Variants in AOAH observed in about 807,000 individuals in gnomAD.
The protein encoded by AOAH is acyloxyacyl hydrolase (neutrophil).
AOAH carries 64 observed loss-of-function variants against 92.2 expected under a neutral mutation model. The ratio of observed to expected loss-of-function variants is 0.69; its 90% CI spans 0.57 to 0.86. The LOEUF is 0.86. Among genes scored for constraint, AOAH ranks in the 40% least tolerant of loss-of-function variants. The pLI is 0.00. For synonymous variants in AOAH, 263 were observed against 254.5 expected, an observed-to-expected ratio of 1.03 and a Z score of -0.32; for missense variants, 656 against 694.6, an observed-to-expected ratio of 0.94 and a Z score of 0.62.
At chr7:36,562,408 T>A (rs2116487258) in intron 13 of AOAH, among the ~76,000 whole-genome samples, 1 of 152,284 alleles carries the variant, frequency 6.6e-6, no homozygotes, top group African/African-American at 2.4e-5. Flanking sequence ...ACTTTACCCT[T>A]AAGAAGTCTA....
intron 16 of AOAH, among the ~76,000 whole-genome samples, chr7:36,533,706 T>C (rs993518343): frequency 1.8e-4 from 28 of 152,140 alleles, no homozygotes; most frequent in Non-Finnish European, 2.9e-5. Flanking sequence ...TGTGTTTGTG[T>C]GTGTGTACTT....
rs1291010641 is a variant in AOAH, at chr7:36,640,161, C to A, written c.391-2251G>T. On this transcript the variant is annotated intron_variant, in intron 4 of 20. Transcript: ENST00000617537. ...CCGGGGCTGCAGGGAAATGCACCAG[C>A]TTTTGCCAAGGAGGGGGAGTCGAAG... Among the ~76,000 whole-genome samples, 3 of 151,886 alleles carry A rather than the reference C, an allele frequency of 2.0e-5. No homozygotes were observed. In the East Asian group the frequency reaches 5.9e-4, roughly 30 times the overall value.
Position 36,682,104 on chromosome 7 carries a change from C to T in AOAH, c.223+4595G>A, listed in dbSNP as rs1584106225. 3.3e-5 allele frequency among the ~76,000 whole-genome samples: 5 copies of T among 152,302 alleles called. No individual in the cohort carries two copies. In the South Asian group the frequency reaches 1.0e-3, roughly 32 times the overall value. The stretch of plus-strand genomic sequence containing the variant: ...TGGACGGGGAGGGGTTTTGCCCAAT[C>T]AATAGCTGGTGAATGCAAAGAGTTC... On this transcript the variant is annotated intron_variant, in intron 2 of 20. Transcript: ENST00000617537.
intron 15 of AOAH, among the ~76,000 whole-genome samples, chr7:36,544,312 C>T (rs899680190): frequency 2.0e-5 from 3 of 152,048 alleles, no homozygotes; most frequent in African/African-American, 7.2e-5. Context: ...TTGGGGGAGA[C>T]TTTGTGTTAG....
chr7:36,657,956 T>A (rs914079756), intron 4 of AOAH, among the ~76,000 whole-genome samples: 5 of 152,070 alleles, frequency 3.3e-5, no homozygotes, highest in African/African-American at 1.2e-4. Flanking sequence ...GTCACTTGCA[T>A]TTCTACACAG....
intron 2 of AOAH, among the ~76,000 whole-genome samples, chr7:36,684,823 C>A (rs986133027): frequency 7.4e-6 from 1 of 134,836 alleles, no homozygotes; most frequent in African/African-American, 2.8e-5. Context: ...CCTTGGGAGG[C>A]TGAAGCAGGA....
rs116799617 is a variant in AOAH, at chr7:36,618,625, C to G, written c.703-280G>C. On this transcript the variant is annotated intron_variant, in intron 9 of 20. Coordinates refer to ENST00000617537, the MANE Select transcript of AOAH (RefSeq NM_001637.4). ...AGAGGTGCCTGGACCAGGGGTCTCA[C>G]CCCTCAGAGCATGGAGGGTCCACTG... Among the ~76,000 whole-genome samples the G allele has an allele frequency of 6.5e-3, 996 of 152,278 alleles. 10 individuals carry two copies. Among genetic ancestry groups the G allele is most frequent in the African/African-American group, 0.022 (931 of 41,550 alleles).
At chr7:36,535,022 GTC>G (rs1471162047) in intron 16 of AOAH, among the ~76,000 whole-genome samples, 12 of 13,368 alleles carry the variant, frequency 9.0e-4, no homozygotes, top group Admixed American at 2.3e-3. Context: ...GTGTGTCTGT[GTC>G]TGTGTGTGTG....
intron 16 of AOAH, 135 bp from the exon 17 acceptor site, chr7:36,532,479 G>C (rs1784755855): frequency 1.2e-6 from 1 of 807,284 alleles, no homozygotes; most frequent in Non-Finnish European, 2.1e-6. Flanking sequence ...ATGCAGCATT[G>C]CTCTTGAAGA....
chr7:36,650,136 C>T (rs10951489), intron 4 of AOAH, among the ~76,000 whole-genome samples: 3 of 14,304 alleles, frequency 2.1e-4, no homozygotes, highest in African/African-American at 1.9e-3. Flanking sequence ...GTCTTGGAAG[C>T]GGCCCACCAC....
intron 16 of AOAH, among the ~76,000 whole-genome samples, chr7:36,540,094 A>G (rs1306764531): frequency 6.6e-6 from 1 of 152,148 alleles, no homozygotes; most frequent in Non-Finnish European, 1.5e-5. Context: ...ATGTGTCCCA[A>G]TTCTTCATGA....
chr7:36,602,025 C>T (rs904318571), intron 11 of AOAH, among the ~76,000 whole-genome samples: 6 of 152,320 alleles, frequency 3.9e-5, no homozygotes, highest in East Asian at 3.9e-4. Context: ...GCACCTGGTA[C>T]GATGCTTATT....
chr7:36,524,175 G>T (rs1037823888), intron 19 of AOAH, among the ~76,000 whole-genome samples: 13 of 151,920 alleles, frequency 8.6e-5, no homozygotes, highest in African/African-American at 3.1e-4. Flanking sequence ...ACCTTATGTT[G>T]TACAGATGCT....
At position 36,618,340 on chromosome 7, in the gene AOAH, G is replaced by T. The variant is rs754108211; in HGVS notation, c.708C>A (p.Val236=). The T allele has an allele frequency of 2.5e-6, 4 of 1,613,794 alleles. No individual in the cohort carries two copies. Among genetic ancestry groups the T allele is most frequent in the African/African-American group, 2.7e-5 (2 of 74,996 alleles). ...QDSNCNGIWG[V]DPKDGVPYEK... ...CATATGGAACTCCATCTTTTGGATC[G>T]ACACCCTTTAAAAAAGAAACGATGT... is the stretch of plus-strand genomic sequence containing the variant. The change falls in exon 10 of 21, where the codon GTC becomes GTA. Residue 236 remains valine (V), a synonymous_variant. Coordinates refer to ENST00000617537, the MANE Select transcript of AOAH (RefSeq NM_001637.4).
At chr7:36,559,805 TC>T (rs1787122908) in intron 13 of AOAH, among the ~76,000 whole-genome samples, 1 of 152,228 alleles carries the variant, frequency 6.6e-6, no homozygotes, top group African/African-American at 2.4e-5. Context: ...ATAATTTTTT[TC>T]CCAAGACCAA....
At chr7:36,670,560 G>A (rs1025750827) in intron 3 of AOAH, among the ~76,000 whole-genome samples, 2 of 152,052 alleles carry the variant, frequency 1.3e-5, no homozygotes, top group Non-Finnish European at 2.9e-5. Flanking sequence ...CTGCAACCTC[G>A]GTCTCCAGGG....
At chr7:36,537,654 G>A (rs943654751) in intron 16 of AOAH, among the ~76,000 whole-genome samples, 2 of 152,030 alleles carry the variant, frequency 1.3e-5, no homozygotes, top group Admixed American at 6.6e-5. Context: ...AAGTAGCTAC[G>A]ATTACAGGCA....
chr7:36,637,772 C>T, intron 5 of AOAH, 79 bp downstream of exon 5: 1 of 1,353,256 alleles, frequency 7.4e-7, no homozygotes, highest in Non-Finnish European at 1.1e-6. Flanking sequence ...TAGTCCTTGC[C>T]TTTGGGATGT....
intron 4 of AOAH, among the ~76,000 whole-genome samples, chr7:36,640,494 G>A (rs1793830151): frequency 6.6e-6 from 1 of 152,188 alleles, no homozygotes; most frequent in Non-Finnish European, 1.5e-5. Context: ...TTGAGGCCGG[G>A]GCAACAGGGG....
Sources: gnomAD v4.1 joint callset for allele counts (sites outside exome capture counted in the v4.1 genomes callset) on GRCh38, gnomAD v4.1.1 for gene constraint, MANE v1.5 for transcripts, NCBI Gene and HGNC (gene_info 2026-07-23, HGNC 2026-07-21) for gene names.